NAV2: variants seen among roughly 807,000 people sequenced by gnomAD.
NAV2 encodes helicase, APC down-regulated 1.
A neutral mutation model predicts 223.2 loss-of-function variants in NAV2; 54 were observed. The ratio of observed to expected loss-of-function variants is 0.24; its 90% confidence interval spans 0.19 to 0.30. NAV2 has a LOEUF of 0.30. NAV2 is among the 10% of genes least tolerant of loss of function. The pLI, the probability that NAV2 is intolerant of heterozygous loss-of-function variation, is 1.00. For missense variants in NAV2, 2,806 were observed against 3,147.5 expected, an observed-to-expected ratio of 0.89 and a Z score of 2.60; for synonymous variants, 1,279 against 1,239.3, an observed-to-expected ratio of 1.03 and a Z score of -0.67.
intron 1 of NAV2, among the ~76,000 whole-genome samples, chr11:19,397,911 G>A (rs1329473397): frequency 6.6e-6 from 1 of 152,140 alleles, no homozygotes; most frequent in African/African-American, 2.4e-5. Context: ...AAGGAGAAAG[G>A]GCAGCAGCAG....
At chr11:20,047,725 C>G (rs2057589877) in intron 14 of NAV2, among the ~76,000 whole-genome samples, 1 of 152,144 alleles carries the variant, frequency 6.6e-6, no homozygotes, top group East Asian at 1.9e-4. Context: ...GATTGATTGT[C>G]TTTACAATAC....
At chr11:19,559,689 G>C (rs536827347) in intron 1 of NAV2, among the ~76,000 whole-genome samples, 43 of 152,262 alleles carry the variant, frequency 2.8e-4, no homozygotes, top group African/African-American at 1.0e-3. Context: ...AGCGTCTATT[G>C]ATGTGAATGT....
intron 11 of NAV2, among the ~76,000 whole-genome samples, chr11:20,008,948 G>A (rs1161302025): frequency 6.6e-6 from 1 of 152,100 alleles, no homozygotes; most frequent in African/African-American, 2.4e-5. Flanking sequence ...GTTTTTAAAT[G>A]AATAAGATCA....
chr11:19,895,417 G>A (rs1325102379), intron 6 of NAV2, among the ~76,000 whole-genome samples: 1 of 152,092 alleles, frequency 6.6e-6, no homozygotes, highest in Non-Finnish European at 1.5e-5. Context: ...AATATTCTGT[G>A]AGGTAAATAC....
intron 1 of NAV2, among the ~76,000 whole-genome samples, chr11:19,628,244 G>C (rs911273720): frequency 1.3e-5 from 2 of 152,332 alleles, no homozygotes; most frequent in South Asian, 4.1e-4. Context: ...TGGACATTAT[G>C]TTCCTTCCCA....
At chr11:19,916,563 T>G (rs2043826149) in intron 6 of NAV2, among the ~76,000 whole-genome samples, 1 of 152,238 alleles carries the variant, frequency 6.6e-6, no homozygotes, top group Non-Finnish European at 1.5e-5. Flanking sequence ...CTAACCCTTA[T>G]GCATGCATTC....
chr11:19,690,435 C>A (rs957913985), intron 1 of NAV2, among the ~76,000 whole-genome samples: 2 of 152,156 alleles, frequency 1.3e-5, no homozygotes, highest in African/African-American at 4.8e-5. Context: ...CCTCTCTGTG[C>A]TTTAATTTCT....
Position 20,105,625 on chromosome 11 carries a change from G to T in NAV2, c.6739G>T (p.Val2247Leu), listed in dbSNP as rs192732187. ...CATGGAAACAGAGATCAGTGGGCGG[G>T]TGCGCAATATGGAGCTGGTAAAAAT... is the stretch of plus-strand genomic sequence containing the variant. ...KLMETEISGR[V>L]RNMELVKIID... Residue 2247 changes from valine to leucine, a missense_variant, in exon 35 of 38, where the codon GTG becomes TTG. Coordinates refer to ENST00000349880, the MANE Select transcript of NAV2 (RefSeq NM_145117.5). 2.5e-6 allele frequency: 4 copies of T among 1,614,064 alleles called. No homozygotes were observed. The East Asian group carries it at 8.9e-5, about 36-fold the overall frequency.
intron 2 of NAV2, among the ~76,000 whole-genome samples, chr11:19,840,386 T>C (rs759574443): frequency 7.2e-5 from 11 of 152,232 alleles, no homozygotes; most frequent in Non-Finnish European, 1.0e-4. Flanking sequence ...GGTTTCATTA[T>C]TCAGGTGGCA....
intron 1 of NAV2, among the ~76,000 whole-genome samples, chr11:19,789,195 G>A (rs1195091586): frequency 6.6e-6 from 1 of 152,216 alleles, no homozygotes; most frequent in Non-Finnish European, 1.5e-5. Flanking sequence ...TCAGTAAGAA[G>A]CTAGTTTTCT....
intron 5 of NAV2, among the ~76,000 whole-genome samples, chr11:19,891,999 C>T (rs2041538650): frequency 1.3e-5 from 2 of 152,094 alleles, no homozygotes; most frequent in Admixed American, 6.5e-5. Flanking sequence ...CACTCTGTCA[C>T]CCAGGCTGGA....
intron 1 of NAV2, among the ~76,000 whole-genome samples, chr11:19,390,578 G>T (rs1419796216): frequency 6.6e-6 from 1 of 152,138 alleles, no homozygotes; most frequent in Non-Finnish European, 1.5e-5. Flanking sequence ...TCAGTTGGGG[G>T]GAATGAAACA....
chr11:19,972,468 AT>A (rs2049331700), intron 10 of NAV2, among the ~76,000 whole-genome samples: 1 of 152,102 alleles, frequency 6.6e-6, no homozygotes, highest in Non-Finnish European at 1.5e-5. Flanking sequence ...TTGGTGGTTT[AT>A]TTTTTGAATC....
chr11:19,476,424 C>T (rs2042117391), intron 1 of NAV2, among the ~76,000 whole-genome samples: 2 of 152,060 alleles, frequency 1.3e-5, no homozygotes, highest in South Asian at 4.1e-4. Flanking sequence ...ATTTGTATTG[C>T]CAACCACTGG....
intron 22 of NAV2, among the ~76,000 whole-genome samples, chr11:20,073,811 T>C (rs1217788904): frequency 6.6e-6 from 1 of 152,210 alleles, no homozygotes; most frequent in Non-Finnish European, 1.5e-5. Context: ...TTGCATCTTA[T>C]TTGATTCTTT....
chr11:19,520,920 G>A (rs770433321), intron 1 of NAV2, among the ~76,000 whole-genome samples: 5 of 152,214 alleles, frequency 3.3e-5, no homozygotes, highest in African/African-American at 4.8e-5. Context: ...TGTGGCAAAT[G>A]GGGATTTTAC....
chr11:20,039,121 A>G (rs1455920808), intron 12 of NAV2, among the ~76,000 whole-genome samples: 1 of 152,164 alleles, frequency 6.6e-6, no homozygotes, highest in Non-Finnish European at 1.5e-5. Flanking sequence ...CAACTCCTCC[A>G]GGAGAGCTGG....
intron 1 of NAV2, among the ~76,000 whole-genome samples, chr11:19,621,850 G>A (rs2135420501): frequency 6.6e-6 from 1 of 152,110 alleles, no homozygotes. Context: ...GTGATGGTAG[G>A]GTGTCAATTT....
At chr11:19,474,040 A>G (rs766771424) in intron 1 of NAV2, among the ~76,000 whole-genome samples, 1 of 152,118 alleles carries the variant, frequency 6.6e-6, no homozygotes, top group Non-Finnish European at 1.5e-5. Flanking sequence ...TTCCTTACAC[A>G]TAGCCCTCTC....
Sources: gnomAD v4.1 joint callset for allele counts (sites outside exome capture counted in the v4.1 genomes callset) on GRCh38, gnomAD v4.1.1 for gene constraint, MANE v1.5 for transcripts, NCBI Gene and HGNC (gene_info 2026-07-23, HGNC 2026-07-21) for gene names.